Variants in SYN2 observed in about 807,000 individuals in gnomAD.
SYN2 encodes synapsin-2.
In SYN2, 19 loss-of-function variants were observed where a neutral mutation model predicts 50.9. The observed-to-expected ratio is 0.37, with a 90% CI of 0.26 to 0.55. SYN2 has a LOEUF of 0.55. SYN2 is among the 20% of genes least tolerant of loss of function. SYN2 has a pLI of 0.81. For synonymous variants in SYN2, 255 were observed against 224.9 expected (o/e 1.13, Z -1.20); for missense variants, 587 against 576.4 (o/e 1.02, Z -0.19).
chr3:12,159,870 C>G (rs1472638648), intron 5 of SYN2, among the ~76,000 whole-genome samples: 1 of 151,428 alleles, frequency 6.6e-6, no homozygotes, highest in Non-Finnish European at 1.5e-5. Context: ...TGATGAAACT[C>G]CGTCCCTACT....
intron 1 of SYN2, among the ~76,000 whole-genome samples, chr3:12,054,082 G>A (rs1470628839): frequency 2.6e-5 from 4 of 152,136 alleles, no homozygotes; most frequent in Non-Finnish European, 5.9e-5. Context: ...CACACTTGCC[G>A]CTGCTTTACA....
chr3:12,093,258 G>A (rs1334008756), intron 1 of SYN2, among the ~76,000 whole-genome samples: 1 of 152,168 alleles, frequency 6.6e-6, no homozygotes, highest in Non-Finnish European at 1.5e-5. Context: ...CTCAGCCTTA[G>A]TGGTCATATT....
chr3:12,069,361 G>A (rs1695292641), intron 1 of SYN2, among the ~76,000 whole-genome samples: 1 of 151,776 alleles, frequency 6.6e-6, no homozygotes, highest in African/African-American at 2.4e-5. Context: ...CTGTTCTCCT[G>A]CCTCAGCCTC....
intron 1 of SYN2, among the ~76,000 whole-genome samples, chr3:12,107,072 A>G (rs1696208366): frequency 6.6e-6 from 1 of 151,954 alleles, no homozygotes; most frequent in Non-Finnish European, 1.5e-5. Context: ...AATCTTTTAC[A>G]TTCCAGTGTC....
intron 5 of SYN2, among the ~76,000 whole-genome samples, chr3:12,155,795 C>T (rs764790625): frequency 5.9e-5 from 9 of 152,190 alleles, no homozygotes; most frequent in Admixed American, 3.3e-4. Flanking sequence ...CCATGCCTAG[C>T]AGCGGGCTAG....
intron 1 of SYN2, among the ~76,000 whole-genome samples, chr3:12,011,774 A>G (rs1441739927): frequency 6.6e-6 from 1 of 152,244 alleles, no homozygotes; most frequent in Non-Finnish European, 1.5e-5. Context: ...CTGGAGGTCT[A>G]CTATATATCA....
chr3:12,014,823 T>A (rs1462499774), intron 1 of SYN2, among the ~76,000 whole-genome samples: 2 of 152,216 alleles, frequency 1.3e-5, no homozygotes, highest in African/African-American at 4.8e-5. Context: ...AAAGTGGGAT[T>A]GTGGGAATGG....
At chr3:12,131,809 T>C (rs1045332841) in intron 1 of SYN2, among the ~76,000 whole-genome samples, 4 of 152,116 alleles carry the variant, frequency 2.6e-5, no homozygotes, top group Admixed American at 1.3e-4. Flanking sequence ...AAATTAGTTA[T>C]TTTCAGATCT....
Position 12,187,520 on chromosome 3 carries a change from C to G in SYN2, c.1521C>G (p.His507Gln). The part of the protein sequence containing the change: ...APQRPGGPTT[H>Q]GDAPSSSSSL... ...AGCGGCCGGGCGGCCCCACCACCCA[C>G]GGAGATGCACCCTCCAGCAGCAGCT... The change falls in exon 12 of 13, where the codon CAC becomes CAG. Residue 507 changes from histidine (H) to glutamine (Q), a missense_variant. Transcript: ENST00000621198. 6.4e-7 allele frequency: 1 copy of G among 1,552,730 alleles called. No homozygotes were observed. The highest frequency in any genetic ancestry group is 8.7e-7 in the Non-Finnish European group (1 of 1,147,398).
At chr3:12,105,292 T>C (rs556794203) in intron 1 of SYN2, among the ~76,000 whole-genome samples, 1 of 152,120 alleles carries the variant, frequency 6.6e-6, no homozygotes, top group South Asian at 2.1e-4. Context: ...TTGAGCCTGC[T>C]GAACTCATTT....
At chr3:12,154,267 A>C in intron 5 of SYN2, 1 of 1,608,986 alleles carries the variant, frequency 6.2e-7, no homozygotes, top group Admixed American at 1.7e-5. Context: ...TTCATGCATG[A>C]ATGAAGGCTC....
intron 1 of SYN2, among the ~76,000 whole-genome samples, chr3:12,017,768 G>T (rs1029382660): frequency 1.3e-5 from 2 of 152,194 alleles, no homozygotes; most frequent in Non-Finnish European, 2.9e-5. Context: ...TTCAAGTGAG[G>T]ATAGGAGCCT....
chr3:12,121,617 G>A (rs532321239), intron 1 of SYN2, among the ~76,000 whole-genome samples: 1 of 149,232 alleles, frequency 6.7e-6, no homozygotes, highest in South Asian at 2.1e-4. Flanking sequence ...AAGGAAGGGA[G>A]GAAAGGAGGA....
intron 10 of SYN2, among the ~76,000 whole-genome samples, chr3:12,181,975 G>A (rs1419042582): frequency 2.6e-5 from 4 of 152,326 alleles, no homozygotes; most frequent in East Asian, 1.9e-4. Context: ...TGACTTGTGG[G>A]GGTTGAGGGT....
chr3:12,148,597 T>C (rs1180889825), intron 4 of SYN2: 2 of 152,178 alleles, frequency 1.3e-5, no homozygotes, highest in African/African-American at 4.8e-5. Context: ...CCACTGGGAT[T>C]TGGGGAGCAG....
intron 1 of SYN2, among the ~76,000 whole-genome samples, chr3:12,097,140 A>G (rs1695951001): frequency 6.6e-6 from 1 of 152,200 alleles, no homozygotes; most frequent in Admixed American, 6.5e-5. Context: ...AACTAGAAGT[A>G]CCATTTGACT....
chr3:12,169,683 C>T, intron 9 of SYN2, 74 bp from the exon 10 acceptor site: 2 of 1,551,216 alleles, frequency 1.3e-6, no homozygotes, highest in South Asian at 2.4e-5. Flanking sequence ...TAATTCCTAC[C>T]CATTCTGAAA....
chr3:12,113,669 T>C (rs888956534), intron 1 of SYN2, among the ~76,000 whole-genome samples: 44 of 152,182 alleles, frequency 2.9e-4, no homozygotes, highest in African/African-American at 4.8e-5. Flanking sequence ...GATTAACTTA[T>C]TCTAATATTT....
intron 1 of SYN2, among the ~76,000 whole-genome samples, chr3:12,092,959 G>T (rs982971162): frequency 4.6e-5 from 7 of 152,022 alleles, no homozygotes; most frequent in Non-Finnish European, 1.0e-4. Context: ...CCTCACTGGG[G>T]GTTCTCTGTG....
Sources: gnomAD v4.1 joint callset for allele counts (sites outside exome capture counted in the v4.1 genomes callset) on GRCh38, gnomAD v4.1.1 for gene constraint, MANE v1.5 for transcripts, NCBI Gene and HGNC (gene_info 2026-07-23, HGNC 2026-07-21) for gene names.